The following CASQ2 variants were observed in gnomAD, a reference collection of about 807,000 sequenced individuals.
The protein encoded by CASQ2 is calsequestrin 2.
CASQ2 carries 49 observed loss-of-function variants against 46.5 expected under a neutral mutation model. That is an observed-to-expected ratio of 1.05 (90% confidence interval 0.84 to 1.34). The LOEUF (loss-of-function observed/expected upper bound fraction) is 1.34. CASQ2 is among the 40% of genes most tolerant of loss of function. The probability of loss-of-function intolerance (pLI) is 0.00; values close to 1 mark genes in which losing one functional copy is unlikely to be tolerated. For synonymous variants in CASQ2, 174 were observed against 168.5 expected, an observed-to-expected ratio of 1.03 and a Z score of -0.25; for missense variants, 486 against 481.3, an observed-to-expected ratio of 1.01 and a Z score of -0.09.
intron 1 of CASQ2, among the ~76,000 whole-genome samples, chr1:115,768,054 C>G (rs1649190948): frequency 6.6e-6 from 1 of 152,116 alleles, no homozygotes; most frequent in Non-Finnish European, 1.5e-5. Flanking sequence ...TCAAGGGGGC[C>G]ATAAAGACTT....
chr1:115,764,502 C>A (rs1032988607), intron 1 of CASQ2, among the ~76,000 whole-genome samples: 5 of 152,170 alleles, frequency 3.3e-5, no homozygotes, highest in African/African-American at 1.2e-4. Context: ...TCTGAAATTT[C>A]TAAATCATAT....
At chr1:115,735,602 GATT>G (rs1647928854) in intron 4 of CASQ2, among the ~76,000 whole-genome samples, 1 of 152,194 alleles carries the variant, frequency 6.6e-6, no homozygotes, top group Non-Finnish European at 1.5e-5. Context: ...TTTTAAGAAT[GATT>G]ATTAAGATCA....
chr1:115,702,913 A>T lies in CASQ2; in HGVS notation c.1014+8T>A, dbSNP rs771018530. 3.7e-6 allele frequency: 6 copies of T among 1,609,150 alleles called. No homozygotes were observed. Among genetic ancestry groups the T allele is most frequent in the Non-Finnish European group, 5.1e-6 (6 of 1,176,228 alleles). The stretch of plus-strand genomic sequence containing the variant: ...GTGCCTGAGCAAGCCTTCACAGGGG[A>T]TACTCACATCTGTGACATTCACCAC... On this transcript the variant is annotated splice_region_variant and intron_variant, in intron 10 of 10. Coordinates refer to ENST00000261448, the MANE Select transcript of CASQ2 (RefSeq NM_001232.4).
chr1:115,719,184 A>G (rs1647284188), intron 7 of CASQ2, among the ~76,000 whole-genome samples: 1 of 152,222 alleles, frequency 6.6e-6, no homozygotes, highest in East Asian at 1.9e-4. Context: ...TAAAAACAAG[A>G]CAGTGGGCAC....
chr1:115,717,690 C>G (rs771081935), intron 8 of CASQ2, 150 bp downstream of exon 8: 1 of 753,040 alleles, frequency 1.3e-6, no homozygotes, highest in Non-Finnish European at 2.4e-6. Flanking sequence ...TGAAAACGAA[C>G]TCATACTTAA....
chr1:115,731,139 T>C (rs1388867678), intron 5 of CASQ2, among the ~76,000 whole-genome samples: 2 of 152,202 alleles, frequency 1.3e-5, no homozygotes, highest in Admixed American at 1.3e-4. Flanking sequence ...ACATGAACAC[T>C]GGCACTTATG....
At chr1:115,701,463 C>T (rs1190452999) in intron 10 of CASQ2, 37 bp from the exon 11 acceptor site, 1 of 1,375,094 alleles carries the variant, frequency 7.3e-7, no homozygotes, top group South Asian at 1.2e-5. Flanking sequence ...TGGGTAAATG[C>T]ATGAGGGCTG....
At chr1:115,711,264 G>C (rs1204347226) in intron 8 of CASQ2, among the ~76,000 whole-genome samples, 1 of 152,162 alleles carries the variant, frequency 6.6e-6, no homozygotes, top group Non-Finnish European at 1.5e-5. Flanking sequence ...CTTAAAGTGG[G>C]GTCCTGCCCT....
At chr1:115,747,610 G>A (rs1212111136) in intron 1 of CASQ2, among the ~76,000 whole-genome samples, 2 of 152,000 alleles carry the variant, frequency 1.3e-5, no homozygotes, top group Non-Finnish European at 2.9e-5. Context: ...TCATGAATAT[G>A]GTATGTCTCC....
intron 1 of CASQ2, among the ~76,000 whole-genome samples, chr1:115,759,087 G>C (rs1233889297): frequency 6.6e-6 from 1 of 152,172 alleles, no homozygotes; most frequent in African/African-American, 2.4e-5. Context: ...TGACATTTAA[G>C]CATAGACCTA....
At chr1:115,738,399 C>G (rs751841438) in intron 3 of CASQ2, 64 bp from the exon 4 acceptor site, 25 of 1,054,752 alleles carry the variant, frequency 2.4e-5, no homozygotes, top group Non-Finnish European at 3.6e-5. Flanking sequence ...ACTGGGGAAA[C>G]AGAGTGCATT....
chr1:115,736,723 T>C (rs113805480), intron 4 of CASQ2, among the ~76,000 whole-genome samples: 2 of 152,188 alleles, frequency 1.3e-5, no homozygotes, highest in African/African-American at 4.8e-5. Context: ...ATGCAATATG[T>C]AATATATTTC....
chr1:115,707,923 G>A (rs1011980611), intron 8 of CASQ2, among the ~76,000 whole-genome samples: 2 of 152,192 alleles, frequency 1.3e-5, no homozygotes, highest in African/African-American at 4.8e-5. Context: ...GGAAAGGAGA[G>A]TCTAGGCAGG....
At chr1:115,730,418 G>C (rs1386683253) in intron 5 of CASQ2, among the ~76,000 whole-genome samples, 2 of 152,144 alleles carry the variant, frequency 1.3e-5, no homozygotes, top group African/African-American at 4.8e-5. Flanking sequence ...CTAAAGGGCA[G>C]GAATCTGCTT....
intron 8 of CASQ2, 46 bp from the exon 9 acceptor site, chr1:115,705,338 G>C: frequency 8.1e-7 from 1 of 1,229,192 alleles, no homozygotes. Context: ...CACATACACA[G>C]CTTCTAATGT....
At position 115,700,609 on chromosome 1, in the gene CASQ2, C is replaced by G. The variant is rs1140238; in HGVS notation, c.*632G>C. The G allele has an allele frequency of 0.65, 110,663 of 170,186 alleles. 36,907 individuals are homozygous for G. Among genetic ancestry groups the G allele is most frequent in the African/African-American group, 0.78 (32,736 of 41,838 alleles). The allele number at this position is 170,186 out of a possible 1,614,324, so 10.5% of individuals were successfully genotyped here. A position where few individuals can be genotyped will look rare whatever the true frequency, so the allele number is the denominator to read the frequency against. ...TGGTGACACCTGTACACATTTCAAGCCCTCTCCATAGCCATCCAAAGGCTT... is the reference window on the plus strand; with the variant it reads ...TGGTGACACCTGTACACATTTCAAGGCCTCTCCATAGCCATCCAAAGGCTT... On this transcript the variant is annotated 3_prime_UTR_variant, in exon 11 of 11. Coordinates refer to ENST00000261448, the MANE Select transcript of CASQ2 (RefSeq NM_001232.4).
chr1:115,746,478 T>C (rs1427240461), intron 1 of CASQ2, among the ~76,000 whole-genome samples: 1 of 152,230 alleles, frequency 6.6e-6, no homozygotes, highest in Non-Finnish European at 1.5e-5. Context: ...TTTTTCCACG[T>C]CTTTGTCAGG....
chr1:115,702,175 G>C (rs1421633544), intron 10 of CASQ2, among the ~76,000 whole-genome samples: 1 of 151,836 alleles, frequency 6.6e-6, no homozygotes, highest in Non-Finnish European at 1.5e-5. Context: ...ACCCATCTCA[G>C]CCTCCCAAAG....
chr1:115,715,730 G>T (rs980692210), intron 8 of CASQ2, among the ~76,000 whole-genome samples: 1 of 152,156 alleles, frequency 6.6e-6, no homozygotes, highest in Non-Finnish European at 1.5e-5. Context: ...GATAAAAAAT[G>T]TGGGTTTCAC....
Sources: allele counts gnomAD v4.1 joint callset (sites outside exome capture counted in the v4.1 genomes callset), GRCh38; gene constraint gnomAD v4.1.1; transcripts MANE v1.5; gene names NCBI Gene and HGNC (gene_info 2026-07-23, HGNC 2026-07-21).